Variants in GPC3 observed in about 807,000 individuals in gnomAD.
GPC3 encodes the protein glypican 3.
Under a neutral mutation model 34.4 loss-of-function variants are expected in GPC3, and 3 were observed. That is an observed-to-expected ratio of 0.09 (90% CI 0.04 to 0.23). The LOEUF is 0.23. Ranked by LOEUF, GPC3 falls within the 10% of genes least tolerant of loss-of-function variation. The probability of loss-of-function intolerance (pLI) is 1.00; values close to 1 mark genes in which losing one functional copy is unlikely to be tolerated. For missense variants in GPC3, 351 were observed against 445.6 expected (o/e 0.79, Z 1.91); for synonymous variants, 177 against 174.0 (o/e 1.02, Z -0.13).
At chrX:133,979,586 CT>C (rs1039898327) in intron 1 of GPC3, among the ~76,000 whole-genome samples, 1 of 111,842 alleles carries the variant, frequency 8.9e-6, no homozygotes, top group Non-Finnish European at 1.9e-5. Flanking sequence ...CCACCACCCC[CT>C]GATACACGTA....
chrX:133,777,488 C>T lies in GPC3; in HGVS notation c.338-23312G>A, dbSNP rs552049238. ...CAACATCTTCTAGTAGTGCCTGATA[C>T]CCCAAATTCTGGTTTCAGAATACAA... On this transcript the variant is annotated intron_variant, in intron 2 of 7. Coordinates refer to ENST00000370818, the MANE Select transcript of GPC3 (RefSeq NM_004484.4). 2.1e-4 allele frequency among the ~76,000 whole-genome samples: 23 copies of T among 111,340 alleles called. No homozygotes were observed. The South Asian group carries it at 8.9e-3, about 43-fold the overall frequency.
chrX:133,675,000 T>G (rs1372914504), intron 5 of GPC3, among the ~76,000 whole-genome samples: 1 of 111,499 alleles, frequency 9.0e-6, no homozygotes, highest in African/African-American at 3.3e-5. Context: ...GAGGCAAGTC[T>G]GAAACAGGAA....
intron 2 of GPC3, among the ~76,000 whole-genome samples, chrX:133,798,682 G>A (rs752396136): frequency 1.5e-4 from 17 of 112,539 alleles, no homozygotes; most frequent in Admixed American, 1.5e-3. Context: ...AACACTTTAT[G>A]TTTTTCAACA....
rs2070824670 is a variant in GPC3 at position 133,671,262 on chromosome X, G to A, written c.1293-9412C>T. On this transcript the variant is annotated intron_variant, in intron 5 of 7. Coordinates refer to ENST00000370818, the MANE Select transcript of GPC3 (RefSeq NM_004484.4). ...AATGAACCCAAACATAGACTTGCAA[G>A]ACATGGCCTGTATGAGAAGAAAAAG... 5 of 1,025,579 alleles carry A rather than the reference G, an allele frequency of 4.9e-6. No individual in the cohort carries two copies. In the South Asian group the frequency reaches 9.4e-5, roughly 19 times the overall value. 84.5% of individuals were successfully genotyped at this position (1,025,579 alleles called of 1,213,427 possible).
chrX:133,662,017 T>G (rs1011697318), intron 5 of GPC3, among the ~76,000 whole-genome samples, 167 bp from the exon 6 acceptor site: 1 of 110,920 alleles, frequency 9.0e-6, no homozygotes, highest in Non-Finnish European at 1.9e-5. Flanking sequence ...AAAAAAAAAT[T>G]CGTTCAACAA....
chrX:133,579,221 C>A (rs115993329), intron 7 of GPC3, among the ~76,000 whole-genome samples: 1,529 of 112,537 alleles, frequency 0.014, 38 homozygotes, highest in African/African-American at 0.047. Context: ...TGTGTTTCCA[C>A]AACTCCCTGT....
At chrX:133,909,763 T>C (rs1262321357) in intron 2 of GPC3, among the ~76,000 whole-genome samples, 5 of 111,399 alleles carry the variant, frequency 4.5e-5, no homozygotes, top group African/African-American at 1.6e-4. Context: ...AACAGATGCA[T>C]ATTATTTTTT....
In GPC3 at chrX:133,753,920, G is replaced by A. The variant is rs1603240670; in HGVS notation, c.594C>T (p.Leu198=). The change falls in exon 3 of 8, where the codon CTC becomes CTT. Residue 198 remains leucine, a synonymous_variant. Transcript: ENST00000370818. ...PDSALDINEC[L]RGARRDLKVF... ...CTTTCAGGTCACGTCTTGCTCCTCG[G>A]AGGCACTCATTGATGTCCAAGGCTG... 1 of 1,211,711 alleles carries A rather than the reference G, an allele frequency of 8.3e-7. No homozygotes were observed. Among genetic ancestry groups the A allele is most frequent in the Non-Finnish European group, 1.1e-6 (1 of 895,375 alleles).
chrX:133,796,205 A>G (rs1002426056), intron 2 of GPC3, among the ~76,000 whole-genome samples: 3 of 111,447 alleles, frequency 2.7e-5, no homozygotes, highest in Non-Finnish European at 5.7e-5. Flanking sequence ...TTGGCCTCCC[A>G]AAGTGCTGGG....
chrX:133,891,414 T>A (rs1446851798), intron 2 of GPC3, among the ~76,000 whole-genome samples: 1 of 110,800 alleles, frequency 9.0e-6, no homozygotes, highest in Non-Finnish European at 1.9e-5. Context: ...CTGAATAGTA[T>A]GTACATTTTA....
At chrX:133,826,795 A>C (rs2075748950) in intron 2 of GPC3, among the ~76,000 whole-genome samples, 2 of 111,923 alleles carry the variant, frequency 1.8e-5, no homozygotes, top group African/African-American at 6.5e-5. Context: ...GAAAGCAGCA[A>C]GAAAGAACTG....
At chrX:133,908,892 C>G (rs2076182829) in intron 2 of GPC3, among the ~76,000 whole-genome samples, 1 of 112,313 alleles carries the variant, frequency 8.9e-6, no homozygotes, top group Admixed American at 9.4e-5. Context: ...ACATCTATCA[C>G]TGTTAACTTT....
At chrX:133,768,799 G>T (rs1485753952) in intron 2 of GPC3, among the ~76,000 whole-genome samples, 2 of 110,387 alleles carry the variant, frequency 1.8e-5, no homozygotes, top group Middle Eastern at 4.7e-3. Context: ...AACTAGCCAG[G>T]TGTGGTGGCA....
At position 133,589,418 on chromosome X, in the gene GPC3, C is replaced by G. The variant is rs916738323; in HGVS notation, c.1573+7022G>C. ...TGAGATGGAGTCTCACTCTTGTTGTCCAGGCTGGAGTGCAATGGTGCAATC... is the reference window on the plus strand; with the variant it reads ...TGAGATGGAGTCTCACTCTTGTTGTGCAGGCTGGAGTGCAATGGTGCAATC... On this transcript the variant is annotated intron_variant, in intron 7 of 7. Transcript: ENST00000370818. 2.7e-5 allele frequency among the ~76,000 whole-genome samples: 3 copies of G among 111,177 alleles called. No individual in the cohort carries two copies. In the Admixed American group the frequency reaches 2.9e-4, roughly 11 times the overall value.
intron 1 of GPC3, among the ~76,000 whole-genome samples, chrX:133,979,862 C>T (rs1460411357): frequency 9.0e-6 from 1 of 111,562 alleles, no homozygotes; most frequent in Non-Finnish European, 1.9e-5. Context: ...TCCCTTAGAT[C>T]GCAGATTACC....
At chrX:133,890,987 C>T (rs959626353) in intron 2 of GPC3, among the ~76,000 whole-genome samples, 24 of 109,680 alleles carry the variant, frequency 2.2e-4, no homozygotes, top group Middle Eastern at 4.3e-3. Context: ...CATGATGGCA[C>T]CACTGCAGTC....
intron 2 of GPC3, among the ~76,000 whole-genome samples, chrX:133,829,045 T>C (rs2075763373): frequency 8.9e-6 from 1 of 111,955 alleles, no homozygotes; most frequent in Non-Finnish European, 1.9e-5. Context: ...CATGTCCAAC[T>C]AAAATGCCAA....
intron 4 of GPC3, among the ~76,000 whole-genome samples, 160 bp downstream of exon 4, chrX:133,699,735 C>T (rs1569416488): frequency 1.8e-5 from 2 of 112,024 alleles, no homozygotes; most frequent in East Asian, 2.8e-4. Flanking sequence ...ATAATACCAT[C>T]TTTTTTTAAA....
intron 2 of GPC3, among the ~76,000 whole-genome samples, chrX:133,935,425 C>G (rs1338747759): frequency 9.0e-6 from 1 of 111,239 alleles, no homozygotes; most frequent in Non-Finnish European, 1.9e-5. Context: ...AAGAATTGTG[C>G]AGGACAGCTA....
Sources: gnomAD v4.1 joint callset for allele counts (sites outside exome capture counted in the v4.1 genomes callset) on GRCh38, gnomAD v4.1.1 for gene constraint, MANE v1.5 for transcripts, NCBI Gene and HGNC (gene_info 2026-07-23, HGNC 2026-07-21) for gene names.